PACRG: variants seen among roughly 807,000 people sequenced by gnomAD.
PACRG encodes the protein parkin coregulated, also known as parkin coregulated gene protein.
In PACRG, 29 loss-of-function variants were observed where a neutral mutation model predicts 29.7. The ratio of observed to expected loss-of-function variants is 0.98; its 90% CI spans 0.73 to 1.33. The LOEUF (loss-of-function observed/expected upper bound fraction) is 1.33, where lower values mean the gene tolerates loss of function less well. Among genes scored for constraint, PACRG ranks in the 40% most tolerant of loss-of-function variants. The pLI, the probability that PACRG is intolerant of heterozygous loss-of-function variation, is 0.00. For missense variants in PACRG, 279 were observed against 316.2 expected (o/e 0.88, Z 0.89); for synonymous variants, 116 against 118.7 (o/e 0.98, Z 0.15).
At chr6:162,769,777 AG>A (rs1783075354) in intron 1 of PACRG, among the ~76,000 whole-genome samples, 1 of 151,520 alleles carries the variant, frequency 6.6e-6, no homozygotes, top group South Asian at 2.1e-4. Context: ...AAAAAAAAAA[AG>A]AAAAGAAAAC....
At chr6:162,993,168 G>T (rs1212827844) in intron 2 of PACRG, among the ~76,000 whole-genome samples, 1 of 151,632 alleles carries the variant, frequency 6.6e-6, no homozygotes, top group Non-Finnish European at 1.5e-5. Context: ...CAAGTATGTG[G>T]TCAATTTTAG....
chr6:163,139,069 T>A (rs1475577140), intron 4 of PACRG, among the ~76,000 whole-genome samples: 1 of 152,232 alleles, frequency 6.6e-6, no homozygotes, highest in Non-Finnish European at 1.5e-5. Flanking sequence ...GCTTGCAGAA[T>A]GTGTTCTCTC....
At chr6:163,155,149 C>T (rs376809767) in intron 4 of PACRG, among the ~76,000 whole-genome samples, 1 of 152,196 alleles carries the variant, frequency 6.6e-6, no homozygotes, top group Non-Finnish European at 1.5e-5. Context: ...GCTTTCCTAA[C>T]GTGACTGGGT....
intron 2 of PACRG, among the ~76,000 whole-genome samples, chr6:162,862,154 A>C (rs1265765416): frequency 6.6e-6 from 1 of 152,256 alleles, no homozygotes; most frequent in East Asian, 1.9e-4. Context: ...GGTGACTCAA[A>C]AGTTTGGAAG....
At chr6:162,825,226 C>T (rs1788177169) in intron 2 of PACRG, among the ~76,000 whole-genome samples, 1 of 152,062 alleles carries the variant, frequency 6.6e-6, no homozygotes, top group Non-Finnish European at 1.5e-5. Flanking sequence ...GAAATAAACA[C>T]TTTGAAAAAA....
chr6:162,933,601 C>CTTTTTTTTTTT (rs71008119), intron 2 of PACRG, among the ~76,000 whole-genome samples: 29 of 74,600 alleles, frequency 3.9e-4, no homozygotes, highest in African/African-American at 1.3e-3. Flanking sequence ...CTTTCTGTAT[C>CTTTTTTTTTTT]TTTTTTTTTT....
chr6:163,029,856 G>A (rs1372519136), intron 2 of PACRG, among the ~76,000 whole-genome samples: 2 of 152,136 alleles, frequency 1.3e-5, no homozygotes, highest in East Asian at 3.9e-4. Context: ...GATTCTTGCT[G>A]CTGAACAAGC....
chr6:163,149,585 G>T (rs531173695), intron 4 of PACRG, among the ~76,000 whole-genome samples: 1 of 151,856 alleles, frequency 6.6e-6, no homozygotes, highest in South Asian at 2.1e-4. Flanking sequence ...CCGACTCCCC[G>T]ACCCCGCGAG....
chr6:162,990,493 G>C (rs1803355591), intron 2 of PACRG, among the ~76,000 whole-genome samples: 1 of 143,180 alleles, frequency 7.0e-6, no homozygotes, highest in Non-Finnish European at 1.5e-5. Flanking sequence ...GGCCAGTGAT[G>C]ATGAGCATTT....
At chr6:163,159,798 G>A (rs77594626) in intron 4 of PACRG, among the ~76,000 whole-genome samples, 2,171 of 152,132 alleles carry the variant, frequency 0.014, 53 homozygotes, top group African/African-American at 0.048. Flanking sequence ...ATTTTACTTC[G>A]AAGAATTCCA....
chr6:163,226,283 C>T (rs1781793160), intron 4 of PACRG, among the ~76,000 whole-genome samples: 1 of 152,174 alleles, frequency 6.6e-6, no homozygotes, highest in Non-Finnish European at 1.5e-5. Flanking sequence ...TGGAGATCCA[C>T]TGCAGTCTGG....
chr6:162,814,655 C>T (rs543807853), intron 2 of PACRG, among the ~76,000 whole-genome samples: 219 of 152,236 alleles, frequency 1.4e-3, no homozygotes, highest in African/African-American at 5.1e-3. Context: ...TCCTGCAGGA[C>T]ACTTCCAAAT....
At chr6:162,869,582 T>C (rs929342514) in intron 2 of PACRG, among the ~76,000 whole-genome samples, 1 of 152,164 alleles carries the variant, frequency 6.6e-6, no homozygotes, top group African/African-American at 2.4e-5. Context: ...TGGCAGGTTA[T>C]GGGGGCCCTT....
intron 2 of PACRG, among the ~76,000 whole-genome samples, chr6:163,049,130 C>T (rs1165923653): frequency 6.6e-6 from 1 of 151,904 alleles, no homozygotes; most frequent in Non-Finnish European, 1.5e-5. Flanking sequence ...ATCATTTAAA[C>T]AGTCGTGATA....
In PACRG at chr6:163,060,260, G is replaced by A. The variant is rs868097828; in HGVS notation, c.292-1890G>A. On this transcript the variant is annotated intron_variant, in intron 2 of 4. Coordinates refer to ENST00000366888, the MANE Select transcript of PACRG (RefSeq NM_001080379.2). ...AACACTTGTAAAAGTGTGACAATAA[G>A]CTAAAAGAATTAGCAAAACATACCA... is the stretch of plus-strand genomic sequence containing the variant. 4.8e-4 allele frequency among the ~76,000 whole-genome samples: 73 copies of A among 151,996 alleles called. 1 individual carries two copies. The highest frequency in any genetic ancestry group is 1.6e-3 in the African/African-American group (67 of 41,486).
At chr6:162,732,488 G>T (rs1423196734) in intron 1 of PACRG, among the ~76,000 whole-genome samples, 3 of 152,154 alleles carry the variant, frequency 2.0e-5, no homozygotes, top group Non-Finnish European at 4.4e-5. Context: ...TCTGTGTCCG[G>T]CTCAAACTCA....
intron 4 of PACRG, among the ~76,000 whole-genome samples, chr6:163,305,502 A>C (rs573043162): frequency 6.6e-6 from 1 of 152,302 alleles, no homozygotes; most frequent in Admixed American, 6.5e-5. Context: ...GTATTCATGA[A>C]AGCCTTATAA....
rs529857001 is a variant in PACRG, at chr6:162,820,347, T to C, written c.291+6066T>C. The stretch of plus-strand genomic sequence containing the variant: ...CTCAGCAGCATTGGTATTCAGGAAC[T>C]ATAAAAATCTCTGTCAATGTGACTG... On this transcript the variant is annotated intron_variant, in intron 2 of 4. Transcript: ENST00000366888. 4.6e-5 allele frequency among the ~76,000 whole-genome samples: 7 copies of C among 152,320 alleles called. 1 individual carries two copies. In the South Asian group the frequency reaches 1.2e-3, roughly 27 times the overall value.
At chr6:163,080,726 A>G (rs1179075126) in intron 3 of PACRG, among the ~76,000 whole-genome samples, 2 of 152,242 alleles carry the variant, frequency 1.3e-5, no homozygotes, top group Non-Finnish European at 2.9e-5. Flanking sequence ...ATATATTTTG[A>G]TCTATTGAAA....
Sources: allele counts gnomAD v4.1 joint callset (sites outside exome capture counted in the v4.1 genomes callset), GRCh38; gene constraint gnomAD v4.1.1; transcripts MANE v1.5; gene names NCBI Gene and HGNC (gene_info 2026-07-23, HGNC 2026-07-21).